SLC9C1: variants seen among roughly 807,000 people sequenced by gnomAD.
SLC9C1 encodes the protein solute carrier family 9 member C1.
SLC9C1 carries 97 observed loss-of-function variants against 140.9 expected under a neutral mutation model. The ratio of observed to expected loss-of-function variants is 0.69; its 90% CI spans 0.58 to 0.82. The LOEUF is 0.82. Among genes scored for constraint, SLC9C1 ranks in the 40% least tolerant of loss-of-function variants. SLC9C1 has a pLI of 0.00. For synonymous variants in SLC9C1, 440 were observed against 442.6 expected, an observed-to-expected ratio of 0.99 and a Z score of 0.07; for missense variants, 1,340 against 1,389.3, an observed-to-expected ratio of 0.96 and a Z score of 0.56.
At chr3:112,167,468 A>G in intron 25 of SLC9C1, 121 bp from the exon 26 acceptor site, 1 of 936,172 alleles carries the variant, frequency 1.1e-6, no homozygotes, top group South Asian at 2.0e-5. Flanking sequence ...AATATTAACA[A>G]ATCAACACAA....
intron 11 of SLC9C1, among the ~76,000 whole-genome samples, chr3:112,243,521 T>C (rs2079193048): frequency 6.6e-6 from 1 of 152,114 alleles, no homozygotes; most frequent in South Asian, 2.1e-4. Flanking sequence ...AGAAATGGGA[T>C]GTGAGTTGAA....
intron 28 of SLC9C1, among the ~76,000 whole-genome samples, chr3:112,143,235 GTATATATATA>G (rs56997574): frequency 6.6e-6 from 1 of 150,416 alleles, no homozygotes; most frequent in African/African-American, 2.4e-5. Context: ...AATAATTTGT[GTATATATATA>G]TATATATCTC....
chr3:112,192,997 G>A (rs2077695093), intron 20 of SLC9C1, among the ~76,000 whole-genome samples: 1 of 152,012 alleles, frequency 6.6e-6, no homozygotes, highest in Non-Finnish European at 1.5e-5. Context: ...AGACTTATTG[G>A]CATGAGTAGG....
intron 11 of SLC9C1, among the ~76,000 whole-genome samples, chr3:112,240,698 T>A (rs1425042654): frequency 6.6e-6 from 1 of 152,216 alleles, no homozygotes. Context: ...TTAGCTTCCA[T>A]AACCTCATGA....
intron 28 of SLC9C1, among the ~76,000 whole-genome samples, chr3:112,150,834 ATATATATTTT>A (rs2074949565): frequency 8.5e-5 from 4 of 47,074 alleles, no homozygotes; most frequent in African/African-American, 6.3e-4. Flanking sequence ...ATATATATAT[ATATATATTTT>A]TTTTTTTTTT....
chr3:112,216,208 A>T (rs1034230392), intron 15 of SLC9C1, among the ~76,000 whole-genome samples: 2 of 152,252 alleles, frequency 1.3e-5, no homozygotes, highest in Non-Finnish European at 2.9e-5. Flanking sequence ...AATCAATTCA[A>T]GATGGATTAA....
intron 26 of SLC9C1, among the ~76,000 whole-genome samples, chr3:112,158,807 T>C (rs1052171545): frequency 2.0e-4 from 31 of 151,856 alleles, no homozygotes; most frequent in Non-Finnish European, 7.4e-5. Flanking sequence ...TGTTCGTGTA[T>C]AATTTTTCAT....
Position 112,280,691 on chromosome 3 carries a change from A to T in SLC9C1, c.181T>A (p.Ser61Thr), listed in dbSNP as rs776928579. 6.2e-7 allele frequency: 1 copy of T among 1,604,508 alleles called. No individual in the cohort carries two copies. Among genetic ancestry groups the T allele is most frequent in the Non-Finnish European group, 8.5e-7 (1 of 1,175,908 alleles). ...TCATTTACAATACACACCTGTGAAG[A>T]TGTAAAGCTTAATACTTCAAAACTG... ...GCSFEVLSFT[S>T]SQVQRYANAI... Residue 61 changes from serine to threonine, a missense_variant, in exon 3 of 29, where the codon TCT becomes ACT. Coordinates refer to ENST00000305815, the MANE Select transcript of SLC9C1 (RefSeq NM_183061.3).
In SLC9C1 at chr3:112,262,908, A is replaced by G. The variant is rs776203466; in HGVS notation, c.1197+16T>C. On this transcript the variant is annotated intron_variant, in intron 10 of 28. Coordinates refer to ENST00000305815, the MANE Select transcript of SLC9C1 (RefSeq NM_183061.3). ...TTTTATACAATATTCAGATAAGAAA[A>G]TACAGCTTTCTTTACTTGAGATTTT... 4 of 1,549,718 alleles carry G rather than the reference A, an allele frequency of 2.6e-6. No homozygotes were observed. Among genetic ancestry groups the G allele is most frequent in the South Asian group, 2.6e-5 (2 of 78,158 alleles).
At chr3:112,195,605 T>G (rs1214773877) in intron 20 of SLC9C1, among the ~76,000 whole-genome samples, 1 of 152,088 alleles carries the variant, frequency 6.6e-6, no homozygotes, top group East Asian at 1.9e-4. Flanking sequence ...TTCTTATTTA[T>G]TTCTGTGTAT....
At chr3:112,142,679 C>A (rs541070178) in intron 28 of SLC9C1, among the ~76,000 whole-genome samples, 32 of 152,200 alleles carry the variant, frequency 2.1e-4, no homozygotes, top group African/African-American at 7.5e-4. Flanking sequence ...AAGAGAATAT[C>A]TTCTGATAAT....
chr3:112,275,294 A>G (rs1297600255), intron 5 of SLC9C1, among the ~76,000 whole-genome samples: 7 of 152,176 alleles, frequency 4.6e-5, no homozygotes, highest in Non-Finnish European at 8.8e-5. Context: ...GAGTTGTTCT[A>G]TATAAATACA....
intron 23 of SLC9C1, 123 bp from the exon 24 acceptor site, chr3:112,169,451 C>T (rs2077204422): frequency 2.2e-6 from 2 of 899,672 alleles, no homozygotes; most frequent in Non-Finnish European, 3.1e-6. Context: ...CACATAATAG[C>T]ATGGAAACTT....
At chr3:112,236,299 T>A (rs1412531607) in intron 12 of SLC9C1, among the ~76,000 whole-genome samples, 1 of 152,198 alleles carries the variant, frequency 6.6e-6, no homozygotes, top group Non-Finnish European at 1.5e-5. Flanking sequence ...TGTATTTCTG[T>A]GGGAGTGGTG....
chr3:112,281,838 A>T (rs1262726643), intron 2 of SLC9C1, among the ~76,000 whole-genome samples: 1 of 152,254 alleles, frequency 6.6e-6, no homozygotes, highest in East Asian at 1.9e-4. Flanking sequence ...GACTTAATTG[A>T]TGCTTTATGA....
intron 14 of SLC9C1, among the ~76,000 whole-genome samples, chr3:112,220,431 C>G (rs1015746528): frequency 1.3e-5 from 2 of 152,170 alleles, no homozygotes; most frequent in African/African-American, 4.8e-5. Context: ...TGGACCAGGA[C>G]TAGAGGCCCA....
At chr3:112,189,742 T>G (rs1278437869) in intron 20 of SLC9C1, among the ~76,000 whole-genome samples, 1 of 152,218 alleles carries the variant, frequency 6.6e-6, no homozygotes, top group African/African-American at 2.4e-5. Flanking sequence ...ATATGGACTT[T>G]AAAGTAATTT....
chr3:112,181,189 G>C (rs2077433188), intron 21 of SLC9C1, among the ~76,000 whole-genome samples: 1 of 152,202 alleles, frequency 6.6e-6, no homozygotes, highest in Admixed American at 6.5e-5. Flanking sequence ...GTGGATCTTT[G>C]TGAATATATG....
intron 6 of SLC9C1, among the ~76,000 whole-genome samples, chr3:112,274,128 C>CA (rs2080150333): frequency 6.6e-6 from 1 of 152,080 alleles, no homozygotes; most frequent in South Asian, 2.1e-4. Context: ...CCCCTTCCTC[C>CA]ACTAGCCAGG....
Sources: allele counts gnomAD v4.1 joint callset (sites outside exome capture counted in the v4.1 genomes callset), GRCh38; gene constraint gnomAD v4.1.1; transcripts MANE v1.5; gene names NCBI Gene and HGNC (gene_info 2026-07-23, HGNC 2026-07-21).